The following CECR2 variants were observed in gnomAD, a reference collection of about 807,000 sequenced individuals.
The protein encoded by CECR2 is CECR2 histone acetyl-lysine reader.
In CECR2, 30 loss-of-function variants were observed where a neutral mutation model predicts 154.5. The ratio of observed to expected loss-of-function variants is 0.19; its 90% CI spans 0.15 to 0.26. CECR2 has a LOEUF of 0.26. Among genes scored for constraint, CECR2 ranks in the 10% least tolerant of loss-of-function variants. The pLI, the probability that CECR2 is intolerant of heterozygous loss-of-function variation, is 1.00. For missense variants in CECR2, 1,743 were observed against 1,829.3 expected (o/e 0.95, Z 0.86); for synonymous variants, 725 against 683.7 (o/e 1.06, Z -0.94).
chr22:17,554,194 T>C lies in CECR2; in HGVS notation c.*1354T>C, dbSNP rs2056748780. 1 of 152,164 alleles carries C rather than the reference T, an allele frequency of 6.6e-6. No homozygotes were observed. Among genetic ancestry groups the C allele is most frequent in the Non-Finnish European group, 1.5e-5 (1 of 68,034 alleles). 9.4% of individuals were successfully genotyped at this position (152,164 alleles called of 1,614,324 possible). On this transcript the variant is annotated 3_prime_UTR_variant, in exon 19 of 19. Transcript: ENST00000262608. ...TTAGCATTCTGTATTTGATTTTAGCTGAAAGGTCACCAAAGTTAGGACCCA... is the reference window on the plus strand; with the variant it reads ...TTAGCATTCTGTATTTGATTTTAGCCGAAAGGTCACCAAAGTTAGGACCCA...
Position 17,548,431 on chromosome 22 carries a change from CA to C in CECR2, c.3145del (p.Arg1049GlyfsTer60), listed in dbSNP as rs759289516. Reference protein sequence around the residue: ...CVRDLSTVADRGALSENGVIG... With the variant: ...CVRDLSTVADXGALSENGVIG... ...TGAGAGACCTCTCCACGGTGGCAGA[CA>C]GGGGCGCTCTATCCGAGAACGGAGT... is the stretch of plus-strand genomic sequence containing the variant. On this transcript the variant is annotated frameshift_variant, in exon 17 of 19. Coordinates refer to ENST00000262608, the MANE Select transcript of CECR2 (RefSeq NM_001290047.2). LOFTEE classifies it high-confidence loss of function. The C allele has an allele frequency of 6.2e-7, 1 of 1,614,010 alleles. No individual in the cohort carries two copies. The highest frequency in any genetic ancestry group is 2.2e-5 in the East Asian group (1 of 44,876).
intron 1 of CECR2, among the ~76,000 whole-genome samples, chr22:17,471,462 T>C (rs1438812922): frequency 1.3e-5 from 2 of 152,218 alleles, no homozygotes; most frequent in Non-Finnish European, 2.9e-5. Context: ...GCATGTTGCA[T>C]AGTTTCCAAC....
upstream of CECR2, among the ~76,000 whole-genome samples, chr22:17,368,212 C>T (rs1286290075): frequency 2.0e-5 from 3 of 152,062 alleles, no homozygotes; most frequent in Non-Finnish European, 4.4e-5. Flanking sequence ...TCCAGACAGC[C>T]CATTCCAAAA....
At chr22:17,488,382 C>CTG (rs2055463131) in intron 2 of CECR2, among the ~76,000 whole-genome samples, 1 of 152,212 alleles carries the variant, frequency 6.6e-6, no homozygotes, top group Admixed American at 6.5e-5. Flanking sequence ...GAGGGCACCA[C>CTG]ATAGTCACTA....
At position 17,548,803 on chromosome 22, in the gene CECR2, C is replaced by T. The variant is rs370707590; in HGVS notation, c.3516C>T (p.Gly1172=). 8.1e-6 allele frequency: 13 copies of T among 1,613,666 alleles called. No individual in the cohort carries two copies. Among genetic ancestry groups the T allele is most frequent in the African/African-American group, 1.3e-5 (1 of 74,908 alleles). The change falls in exon 17 of 19, where the codon GGC becomes GGT. Residue 1172 remains glycine (G), a synonymous_variant. Transcript: ENST00000262608. ...GFQSNHPHSG[G]FPRYRPPQGM... Reference sequence around the variant, plus strand: ...AGTCTAACCACCCACATTCTGGAGGCTTTCCCCGGTATCGCCCCCCACAAG... The same window carrying T: ...AGTCTAACCACCCACATTCTGGAGGTTTTCCCCGGTATCGCCCCCCACAAG...
chr22:17,530,263 T>C (rs2056333723), intron 9 of CECR2, among the ~76,000 whole-genome samples: 1 of 151,894 alleles, frequency 6.6e-6, no homozygotes, highest in Admixed American at 6.6e-5. Context: ...TGTCGCTCTG[T>C]CGCCCAGGCT....
intron 1 of CECR2, among the ~76,000 whole-genome samples, chr22:17,447,154 C>A (rs1187279792): frequency 6.6e-6 from 1 of 151,078 alleles, no homozygotes; most frequent in East Asian, 2.0e-4. Context: ...CCTGCCTCAG[C>A]CTCCCGAGTA....
At chr22:17,429,712 G>C (rs979693514) in intron 1 of CECR2, among the ~76,000 whole-genome samples, 1 of 152,166 alleles carries the variant, frequency 6.6e-6, no homozygotes, top group Non-Finnish European at 1.5e-5. Context: ...AACCATTTAG[G>C]TTGATGGTGG....
chr22:17,471,553 C>T (rs1192116578), intron 1 of CECR2, among the ~76,000 whole-genome samples: 1 of 152,038 alleles, frequency 6.6e-6, no homozygotes, highest in Non-Finnish European at 1.5e-5. Context: ...TTGATTGTTT[C>T]TGAGACACTC....
At chr22:17,408,328 G>A (rs2054016520) in intron 1 of CECR2, among the ~76,000 whole-genome samples, 1 of 151,948 alleles carries the variant, frequency 6.6e-6, no homozygotes, top group Admixed American at 6.6e-5. Flanking sequence ...TCAGGAGAGT[G>A]GACTTCACAT....
Position 17,552,063 on chromosome 22 carries a change from C to G in CECR2, c.4310C>G (p.Ser1437Trp), listed in dbSNP as rs536749791. The G allele has an allele frequency of 1.2e-6, 2 of 1,613,986 alleles. No individual in the cohort carries two copies. Among genetic ancestry groups the G allele is most frequent in the South Asian group, 2.2e-5 (2 of 91,074 alleles). The change falls in exon 18 of 19, where the codon TCG becomes TGG. Residue 1437 changes from serine (S) to tryptophan (W), a missense_variant. This residue lies in a region of CECR2 where 1,250 missense variants were observed against 1,192.1 expected (regional missense o/e 1.05). Transcript: ENST00000262608. ...MQMHPVQSQASFPKTPTAATS... is the reference protein window; with the variant it reads ...MQMHPVQSQAWFPKTPTAATS... ...ATGCACCCGGTCCAGTCGCAGGCCT[C>G]GTTCCCAAAGACCCCCACAGCAGCA...
At chr22:17,519,826 C>G (rs1235238690) in intron 8 of CECR2, among the ~76,000 whole-genome samples, 2 of 144,812 alleles carry the variant, frequency 1.4e-5, no homozygotes, top group African/African-American at 2.6e-5. Flanking sequence ...TAATCTCACT[C>G]TGTTGCCAGG....
At chr22:17,543,403 G>A (rs538201304) in intron 16 of CECR2, among the ~76,000 whole-genome samples, 45 of 151,708 alleles carry the variant, frequency 3.0e-4, no homozygotes, top group Admixed American at 2.2e-3. Context: ...CAAAGTACTG[G>A]GATTACAGGC....
intron 9 of CECR2, among the ~76,000 whole-genome samples, chr22:17,533,080 G>A (rs1341198837): frequency 1.3e-5 from 2 of 151,868 alleles, no homozygotes; most frequent in Non-Finnish European, 2.9e-5. Flanking sequence ...CACTTTGGGA[G>A]GCCGAGGCGG....
At chr22:17,532,736 G>T (rs1264194015) in intron 9 of CECR2, among the ~76,000 whole-genome samples, 308 of 26,082 alleles carry the variant, frequency 0.012, 4 homozygotes, top group African/African-American at 0.034. Flanking sequence ...TTTTTTTTTT[G>T]AGATGGAGTC....
intron 17 of CECR2, among the ~76,000 whole-genome samples, chr22:17,550,769 C>T (rs1713842264): frequency 6.6e-6 from 1 of 152,068 alleles, no homozygotes; most frequent in Non-Finnish European, 1.5e-5. Flanking sequence ...GGTGAAACCC[C>T]GTCTCTACTA....
chr22:17,542,250 G>A lies in CECR2; in HGVS notation c.2107G>A (p.Gly703Ser). 1.2e-6 allele frequency: 2 copies of A among 1,610,984 alleles called. No homozygotes were observed. The highest frequency in any genetic ancestry group is 1.7e-6 in the Non-Finnish European group (2 of 1,178,578). ...GGGGCTGACACACCTTTCTAACATG[G>A]GCCCACACCCTGGATCCTTGCAGCT... ...CGGLTHLSNM[G>S]PHPGSLQLGQ... The change falls in exon 16 of 19, where the codon GGC (glycine) becomes AGC (serine). Residue 703 changes from glycine to serine, a missense_variant. Around this residue, in one of 4 missense-constraint regions of CECR2, gnomAD observed 1,250 missense variants for 1,192.1 expected, o/e 1.05. Coordinates refer to ENST00000262608, the MANE Select transcript of CECR2 (RefSeq NM_001290047.2).
In CECR2 at chr22:17,542,868, C is replaced by G. The variant is rs757433754; in HGVS notation, c.2725C>G (p.His909Asp). ...GCCTTACCACCCCCACCAGCCTGCA[C>G]ACCCCCGTTTACCTGGCCCTTTTCC... ...GVPYHPHQPA[H>D]PRLPGPFPQV... Residue 909 changes from histidine to aspartate, a missense_variant, in exon 16 of 19, where the codon CAC becomes GAC. Around this residue, in one of 4 missense-constraint regions of CECR2, gnomAD observed 1,250 missense variants for 1,192.1 expected, o/e 1.05. Coordinates refer to ENST00000262608, the MANE Select transcript of CECR2 (RefSeq NM_001290047.2). The G allele has an allele frequency of 1.2e-4, 193 of 1,613,958 alleles. No homozygotes were observed. In the Middle Eastern group the frequency reaches 4.9e-3, roughly 41 times the overall value.
chr22:17,480,403 T>G (rs1036295816), intron 2 of CECR2, among the ~76,000 whole-genome samples: 4 of 134,974 alleles, frequency 3.0e-5, no homozygotes, highest in African/African-American at 1.1e-4. Context: ...TCTTGAAACT[T>G]ACTACTCATG....
Sources: allele counts gnomAD v4.1 joint callset (sites outside exome capture counted in the v4.1 genomes callset), GRCh38; gene constraint gnomAD v4.1.1; regional missense constraint gnomAD v4.1.1; transcripts MANE v1.5; gene names NCBI Gene and HGNC (gene_info 2026-07-23, HGNC 2026-07-21).